PTPRD: variants seen among roughly 807,000 people sequenced by gnomAD.
The protein encoded by PTPRD is protein tyrosine phosphatase receptor type D.
A neutral mutation model predicts 214.5 loss-of-function variants in PTPRD; 34 were observed. The ratio of observed to expected loss-of-function variants is 0.16; its 90% CI spans 0.12 to 0.21. The LOEUF (loss-of-function observed/expected upper bound fraction) is 0.21. Among genes scored for constraint, PTPRD ranks in the 10% least tolerant of loss-of-function variants. The probability of loss-of-function intolerance (pLI) is 1.00; values close to 1 mark genes in which losing one functional copy is unlikely to be tolerated. For synonymous variants in PTPRD, 1,128 were observed against 845.7 expected (o/e 1.33, Z -5.79); for missense variants, 2,545 against 2,398.7 (o/e 1.06, Z -1.27).
chr9:8,673,520 C>G (rs1457349862), intron 12 of PTPRD, among the ~76,000 whole-genome samples: 1 of 152,200 alleles, frequency 6.6e-6, no homozygotes, highest in East Asian at 1.9e-4. Context: ...TATTTACACT[C>G]TCTTAAGCCT....
chr9:8,993,577 T>A (rs2099385796), intron 11 of PTPRD, among the ~76,000 whole-genome samples: 1 of 152,146 alleles, frequency 6.6e-6, no homozygotes, highest in Admixed American at 6.6e-5. Flanking sequence ...TATATTTGGA[T>A]CAAAATTTTC....
chr9:9,232,986 C>A (rs982233932), intron 9 of PTPRD, among the ~76,000 whole-genome samples: 2 of 152,092 alleles, frequency 1.3e-5, no homozygotes, highest in African/African-American at 4.8e-5. Flanking sequence ...TAAGGAAATT[C>A]TCTAACCCAA....
At chr9:8,523,019 G>A (rs1013914254) in intron 19 of PTPRD, among the ~76,000 whole-genome samples, 7 of 152,120 alleles carry the variant, frequency 4.6e-5, no homozygotes, top group Non-Finnish European at 1.5e-5. Flanking sequence ...AGAAGAGAAA[G>A]CTAAGCATGC....
chr9:8,429,595 GCT>G (rs1427972100), intron 35 of PTPRD, among the ~76,000 whole-genome samples: 2 of 152,108 alleles, frequency 1.3e-5, no homozygotes, highest in African/African-American at 4.8e-5. Flanking sequence ...GAAGGACAGG[GCT>G]CTGATATCTG....
chr9:10,254,549 C>T (rs1180957860), intron 3 of PTPRD, among the ~76,000 whole-genome samples: 1 of 152,114 alleles, frequency 6.6e-6, no homozygotes, highest in Non-Finnish European at 1.5e-5. Flanking sequence ...GATTTAGCCC[C>T]ATCAGCTATT....
chr9:9,431,038 C>A (rs978153619), intron 8 of PTPRD, among the ~76,000 whole-genome samples: 6 of 152,038 alleles, frequency 3.9e-5, no homozygotes, highest in South Asian at 4.1e-4. Context: ...GCAACAAAAG[C>A]CAAAATTGAC....
chr9:8,524,941 G>A lies in PTPRD; in HGVS notation c.663C>T (p.Ala221=), dbSNP rs749081571. The A allele has an allele frequency of 1.2e-6, 2 of 1,613,358 alleles. No homozygotes were observed. The highest frequency in any genetic ancestry group is 1.1e-5 in the South Asian group (1 of 91,074). The part of the protein sequence containing the change: ...NSAGTRYSAP[A]NLYVRELREV... ...CATTCCTACCTCTGACATATAAATT[G>A]GCAGGAGCGGAATAGCGAGTGCCCG... The change falls in exon 18 of 46, where the codon GCC becomes GCT. Residue 221 remains alanine (A), a synonymous_variant. Coordinates refer to ENST00000381196, the MANE Select transcript of PTPRD (RefSeq NM_002839.4).
At chr9:9,552,395 C>G (rs925237724) in intron 8 of PTPRD, among the ~76,000 whole-genome samples, 19 of 152,018 alleles carry the variant, frequency 1.2e-4, no homozygotes, top group Non-Finnish European at 2.1e-4. Flanking sequence ...AACTTTCAAA[C>G]CTCTAAAATT....
intron 2 of PTPRD, among the ~76,000 whole-genome samples, chr9:10,500,243 A>C (rs2043247053): frequency 6.6e-6 from 1 of 151,862 alleles, no homozygotes; most frequent in South Asian, 2.1e-4. Context: ...AAATGCATTC[A>C]AAGATGGCCT....
intron 7 of PTPRD, among the ~76,000 whole-genome samples, chr9:9,707,934 T>C (rs957677147): frequency 2.6e-5 from 4 of 152,052 alleles, no homozygotes; most frequent in Non-Finnish European, 4.4e-5. Flanking sequence ...TTACTTCTCA[T>C]AGACATATAC....
At chr9:9,005,251 A>T (rs2099455906) in intron 11 of PTPRD, among the ~76,000 whole-genome samples, 1 of 152,112 alleles carries the variant, frequency 6.6e-6, no homozygotes, top group Non-Finnish European at 1.5e-5. Flanking sequence ...ATGATATAGA[A>T]GAAATGCAAA....
At position 9,834,845 on chromosome 9, in the gene PTPRD, CAGTTAG is replaced by C. The variant is rs2056251424; in HGVS notation, c.-367-68000_-367-67995del. ...CATATATTTAATTGATTGGTGATAA[CAGTTAG>C]AGTTCCAGATGTGGTTTCTTTCCTG... On this transcript the variant is annotated intron_variant, in intron 5 of 45. Coordinates refer to ENST00000381196, the MANE Select transcript of PTPRD (RefSeq NM_002839.4). Among the ~76,000 whole-genome samples, 4 of 152,020 alleles carry C rather than the reference CAGTTAG, an allele frequency of 2.6e-5. No individual in the cohort carries two copies. In the South Asian group the frequency reaches 8.3e-4, roughly 32 times the overall value.
At chr9:9,179,933 T>A (rs189874099) in intron 10 of PTPRD, among the ~76,000 whole-genome samples, 3 of 152,118 alleles carry the variant, frequency 2.0e-5, no homozygotes, top group Non-Finnish European at 4.4e-5. Context: ...ACAATATGTT[T>A]TGCACATAAT....
chr9:9,666,620 T>C (rs1040196544), intron 7 of PTPRD, among the ~76,000 whole-genome samples: 1 of 151,990 alleles, frequency 6.6e-6, no homozygotes, highest in Admixed American at 6.6e-5. Flanking sequence ...AGTTGGCAAA[T>C]TGTATCGATT....
chr9:10,517,828 G>T (rs1331529143), intron 2 of PTPRD, among the ~76,000 whole-genome samples: 2 of 151,948 alleles, frequency 1.3e-5, no homozygotes, highest in Non-Finnish European at 2.9e-5. Context: ...TCATTTATAG[G>T]TGTTTACCTT....
intron 33 of PTPRD, among the ~76,000 whole-genome samples, chr9:8,454,811 AGTGTGTGTGTGTGTGTGT>A (rs3043784): frequency 2.0e-5 from 3 of 148,642 alleles, no homozygotes; most frequent in Non-Finnish European, 4.5e-5. Context: ...CTGAATACAT[AGTGTGTGTGTGTGTGTGT>A]GTGTGTGTGT....
intron 14 of PTPRD, among the ~76,000 whole-genome samples, chr9:8,562,428 A>AT (rs1554797389): frequency 3.1e-4 from 46 of 149,572 alleles, no homozygotes; most frequent in Non-Finnish European, 5.5e-4. Context: ...TTATTTATTT[A>AT]TTTATTTTAT....
At chr9:9,917,960 C>G (rs2081409906) in intron 5 of PTPRD, among the ~76,000 whole-genome samples, 2 of 152,012 alleles carry the variant, frequency 1.3e-5, no homozygotes, top group Admixed American at 1.3e-4. Context: ...CCCAAAACAT[C>G]TTACTGATCA....
chr9:9,734,383 A>T (rs903480469), intron 7 of PTPRD, 150 bp downstream of exon 7: 1 of 152,156 alleles, frequency 6.6e-6, no homozygotes, highest in Non-Finnish European at 1.5e-5. Flanking sequence ...AACTGGACTT[A>T]TGAGATTCAA....
Sources: allele counts gnomAD v4.1 joint callset (sites outside exome capture counted in the v4.1 genomes callset), GRCh38; gene constraint gnomAD v4.1.1; transcripts MANE v1.5; gene names NCBI Gene and HGNC (gene_info 2026-07-23, HGNC 2026-07-21).